The following GUCA1B variants were observed in gnomAD, a reference collection of about 807,000 sequenced individuals.
GUCA1B encodes guanylyl cyclase-activating protein 2.
Under a neutral mutation model 24.2 loss-of-function variants are expected in GUCA1B, and 22 were observed. The ratio of observed to expected loss-of-function variants is 0.91; its 90% CI spans 0.65 to 1.30. The LOEUF (loss-of-function observed/expected upper bound fraction) is 1.30, where lower values mean the gene tolerates loss of function less well. Among genes scored for constraint, GUCA1B ranks in the 50% most tolerant of loss-of-function variants. The probability of loss-of-function intolerance (pLI) is 0.00; values close to 1 mark genes in which losing one functional copy is unlikely to be tolerated. For synonymous variants in GUCA1B, 100 were observed against 97.9 expected (o/e 1.02, Z -0.13); for missense variants, 221 against 258.8 (o/e 0.85, Z 1.00).
intron 1 of GUCA1B, among the ~76,000 whole-genome samples, chr6:42,189,835 C>A (rs1422237696): frequency 1.3e-5 from 2 of 152,194 alleles, no homozygotes; most frequent in African/African-American, 4.8e-5. Flanking sequence ...TTTGGGGTGA[C>A]AGGCTGCTGT....
At chr6:42,191,884 T>C (rs1768310175) in intron 1 of GUCA1B, among the ~76,000 whole-genome samples, 2 of 151,940 alleles carry the variant, frequency 1.3e-5, no homozygotes, top group Non-Finnish European at 2.9e-5. Context: ...TTCTACCAAT[T>C]TAGACAAACG....
At chr6:42,188,893 T>TATC (rs1389103886) in intron 1 of GUCA1B, among the ~76,000 whole-genome samples, 162 bp from the exon 2 acceptor site, 23,335 of 143,990 alleles carry the variant, frequency 0.16, 3,497 homozygotes, top group African/African-American at 0.39. Context: ...ACATTCTATC[T>TATC]ATCTATCTAT....
intron 2 of GUCA1B, among the ~76,000 whole-genome samples, chr6:42,186,910 A>T (rs1012859110): frequency 1.3e-5 from 2 of 152,194 alleles, no homozygotes; most frequent in African/African-American, 2.4e-5. Context: ...GGGTCTGGCT[A>T]ACCCAGGGAA....
chr6:42,186,809 C>T (rs1396278401), intron 2 of GUCA1B, among the ~76,000 whole-genome samples: 2 of 152,072 alleles, frequency 1.3e-5, no homozygotes, highest in African/African-American at 2.4e-5. Flanking sequence ...CCAGCACTTC[C>T]TAGGTAGACT....
In GUCA1B at chr6:42,184,899, G is replaced by A. The variant is rs938180810; in HGVS notation, c.519C>T (p.Asp173=). The change falls in exon 4 of 4, where the codon GAC becomes GAT. Residue 173 remains aspartate (D), a synonymous_variant. Transcript: ENST00000230361. ...TCTGCAGCATCTTCATCACCCACTT[G>A]TCCCGACGGGCACCTTCAACAAACT... ...LNEFVEGARR[D]KWVMKMLQMD... 3.1e-6 allele frequency: 5 copies of A among 1,613,944 alleles called. No individual in the cohort carries two copies. The Admixed American group carries it at 8.3e-5, about 27-fold the overall frequency.
Position 42,183,646 on chromosome 6 carries a change from G to A in GUCA1B, c.*1169C>T, listed in dbSNP as rs1164782961. On this transcript the variant is annotated 3_prime_UTR_variant, in exon 4 of 4. Transcript: ENST00000230361. The stretch of plus-strand genomic sequence containing the variant: ...CCAAGGTTAGGGAGGAGAAGTGGCT[G>A]TCTTGGGTCACACAGCAGTTAGAAG... Among the ~76,000 whole-genome samples the A allele has an allele frequency of 1.3e-5, 2 of 152,214 alleles. No homozygotes were observed. The highest frequency in any genetic ancestry group is 4.8e-5 in the African/African-American group (2 of 41,444).
intron 2 of GUCA1B, 134 bp downstream of exon 2, chr6:42,188,448 G>T: frequency 1.3e-6 from 1 of 744,900 alleles, no homozygotes; most frequent in Non-Finnish European, 2.3e-6. Context: ...CACTCAGAAT[G>T]AGAACACAGG....
At chr6:42,188,950 C>T (rs1768255580) in intron 1 of GUCA1B, among the ~76,000 whole-genome samples, 1 of 131,352 alleles carries the variant, frequency 7.6e-6, no homozygotes. Flanking sequence ...TATCTATCAT[C>T]TGTCTATTTA....
rs138373190 is a variant in GUCA1B at position 42,186,869 on chromosome 6, A to C, written c.358-1072T>G. ...TATGAAGCAGCTTCTTGCTCTGTGAAACAGGGCTAACGATGCCTGCCTCAT... is the reference window on the plus strand; with the variant it reads ...TATGAAGCAGCTTCTTGCTCTGTGACACAGGGCTAACGATGCCTGCCTCAT... On this transcript the variant is annotated intron_variant, in intron 2 of 3. Coordinates refer to ENST00000230361, the MANE Select transcript of GUCA1B (RefSeq NM_002098.6). Among the ~76,000 whole-genome samples, 694 of 152,308 alleles carry C rather than the reference A, an allele frequency of 4.6e-3. 7 individuals are homozygous for C. Among genetic ancestry groups the C allele is most frequent in the African/African-American group, 0.016 (652 of 41,564 alleles).
chr6:42,188,630 C>T lies in GUCA1B; in HGVS notation c.309G>A (p.Lys103=), dbSNP rs748421032. 3 of 1,614,142 alleles carry T rather than the reference C, an allele frequency of 1.9e-6. No individual in the cohort carries two copies. Among genetic ancestry groups the T allele is most frequent in the Non-Finnish European group, 1.7e-6 (2 of 1,180,010 alleles). The change falls in exon 2 of 4, where the codon AAG becomes AAA. Residue 103 remains lysine (K), a synonymous_variant. Transcript: ENST00000230361. Reference sequence around the variant, plus strand: ...GGCGGTCGATGCAGCCATTGCCATCCTTATCATAGATCTTGAATGTCCACT... The same window carrying T: ...GGCGGTCGATGCAGCCATTGCCATCTTTATCATAGATCTTGAATGTCCACT... ...KLKWTFKIYD[K]DGNGCIDRLE...
At chr6:42,190,283 A>T (rs1276800702) in intron 1 of GUCA1B, among the ~76,000 whole-genome samples, 5 of 151,216 alleles carry the variant, frequency 3.3e-5, no homozygotes, top group South Asian at 2.1e-4. Context: ...AGGTCAGATT[A>T]TATTTATAAT....
chr6:42,184,550 G>C lies in GUCA1B; in HGVS notation c.*265C>G. 2.0e-6 allele frequency: 1 copy of C among 488,698 alleles called. No individual in the cohort carries two copies. Among genetic ancestry groups the C allele is most frequent in the Non-Finnish European group, 3.8e-6 (1 of 263,198 alleles). 30.3% of individuals were successfully genotyped at this position (488,698 alleles called of 1,614,324 possible). A position where few individuals can be genotyped will look rare whatever the true frequency, so the allele number is the denominator to read the frequency against. ...ACTGTGGGAGCCCCACAACCACCCAGCCAAGGCACAGTCCTCCCAGGAGCG... is the reference window on the plus strand; with the variant it reads ...ACTGTGGGAGCCCCACAACCACCCACCCAAGGCACAGTCCTCCCAGGAGCG... On this transcript the variant is annotated 3_prime_UTR_variant, in exon 4 of 4. Coordinates refer to ENST00000230361, the MANE Select transcript of GUCA1B (RefSeq NM_002098.6).
chr6:42,192,923 C>T (rs1008528486), intron 1 of GUCA1B, among the ~76,000 whole-genome samples: 2 of 151,834 alleles, frequency 1.3e-5, no homozygotes, highest in Non-Finnish European at 2.9e-5. Context: ...TAGGGATAAA[C>T]GGGCATGATA....
intron 1 of GUCA1B, among the ~76,000 whole-genome samples, chr6:42,194,408 G>C (rs1768361702): frequency 6.6e-6 from 1 of 152,198 alleles, no homozygotes; most frequent in South Asian, 2.1e-4. Flanking sequence ...GAGGGAAGGA[G>C]AGACAGAGAA....
At chr6:42,194,590 G>T in intron 1 of GUCA1B, 24 bp downstream of exon 1, 1 of 1,498,862 alleles carries the variant, frequency 6.7e-7, no homozygotes, top group Non-Finnish European at 9.3e-7. Context: ...CTGGCCACTG[G>T]TCCTTCCCTT....
intron 1 of GUCA1B, among the ~76,000 whole-genome samples, chr6:42,189,063 A>T (rs1768256865): frequency 6.6e-6 from 1 of 152,132 alleles, no homozygotes; most frequent in East Asian, 1.9e-4. Context: ...GATTACAGGC[A>T]TAAGCCACCA....
At position 42,184,025 on chromosome 6, in the gene GUCA1B, T is replaced by C. The variant is rs1472412288; in HGVS notation, c.*790A>G. On this transcript the variant is annotated 3_prime_UTR_variant, in exon 4 of 4. Transcript: ENST00000230361. ...CCAGGGTCCTCCCCATGAACGCCCC[T>C]CAGCATCCCGGAAGTTATAGAATTA... Among the ~76,000 whole-genome samples the C allele has an allele frequency of 6.6e-6, 1 of 151,842 alleles. No individual in the cohort carries two copies. Among genetic ancestry groups the C allele is most frequent in the African/African-American group, 2.4e-5 (1 of 41,314 alleles).
intron 1 of GUCA1B, among the ~76,000 whole-genome samples, chr6:42,189,662 G>T (rs541930993): frequency 1.3e-5 from 2 of 152,364 alleles, no homozygotes; most frequent in Admixed American, 6.5e-5. Context: ...CAGAGCTCAG[G>T]TGCTAATTGG....
In GUCA1B at chr6:42,184,645, T is replaced by C; in HGVS notation, c.*170A>G. On this transcript the variant is annotated 3_prime_UTR_variant, in exon 4 of 4. Transcript: ENST00000230361. ...CTCCTCCAAAATGGACTATGCCCTG[T>C]TGGCCACTTCAAACCCAGCAGCCCT... 1 of 737,770 alleles carries C rather than the reference T, an allele frequency of 1.4e-6. No homozygotes were observed. The highest frequency in any genetic ancestry group is 2.4e-6 in the Non-Finnish European group (1 of 412,068). 45.7% of individuals were successfully genotyped at this position (737,770 alleles called of 1,614,324 possible).
Sources: gnomAD v4.1 joint callset for allele counts (sites outside exome capture counted in the v4.1 genomes callset) on GRCh38, gnomAD v4.1.1 for gene constraint, MANE v1.5 for transcripts, NCBI Gene and HGNC (gene_info 2026-07-23, HGNC 2026-07-21) for gene names.